The following DESI2 variants were observed in gnomAD, a reference collection of about 807,000 sequenced individuals.
DESI2 encodes the protein deubiquitinase DESI2.
Under a neutral mutation model 24.1 loss-of-function variants are expected in DESI2, and 10 were observed. The ratio of observed to expected loss-of-function variants is 0.41; its 90% CI spans 0.26 to 0.70. DESI2 has a LOEUF of 0.70. Among genes scored for constraint, DESI2 ranks in the 30% least tolerant of loss-of-function variants. The pLI is 0.29. For synonymous variants in DESI2, 71 were observed against 87.7 expected, an observed-to-expected ratio of 0.81 and a Z score of 1.06; for missense variants, 122 against 234.9, an observed-to-expected ratio of 0.52 and a Z score of 3.14.
chr1:244,670,189 G>A (rs776631407), intron 1 of DESI2, among the ~76,000 whole-genome samples: 8 of 152,032 alleles, frequency 5.3e-5, no homozygotes, highest in East Asian at 1.9e-4. Context: ...ACTCCTGACC[G>A]CAAGTGATCC....
At chr1:244,697,025 G>C (rs562284886) in intron 4 of DESI2, among the ~76,000 whole-genome samples, 3 of 152,284 alleles carry the variant, frequency 2.0e-5, no homozygotes, top group Admixed American at 1.3e-4. Context: ...ACTCTATTAG[G>C]AGAGGATCCT....
At chr1:244,696,356 TCA>T (rs1284173134) in intron 4 of DESI2, among the ~76,000 whole-genome samples, 7 of 152,230 alleles carry the variant, frequency 4.6e-5, no homozygotes, top group African/African-American at 1.7e-4. Flanking sequence ...GCACAGTGGC[TCA>T]CGCCTGTAAT....
At chr1:244,694,329 T>TA (rs1463980481) in intron 4 of DESI2, 1 of 502,290 alleles carries the variant, frequency 2.0e-6, no homozygotes, top group Non-Finnish European at 3.8e-6. Flanking sequence ...AAGAGTATTA[T>TA]ATGGTGACAT....
At chr1:244,686,138 CAT>C (rs1297510819) in intron 1 of DESI2, among the ~76,000 whole-genome samples, 1 of 152,100 alleles carries the variant, frequency 6.6e-6, no homozygotes, top group Non-Finnish European at 1.5e-5. Context: ...ACACATGATA[CAT>C]GCCGTAAATG....
intron 4 of DESI2, among the ~76,000 whole-genome samples, chr1:244,701,958 A>G (rs943938578): frequency 6.6e-6 from 1 of 152,156 alleles, no homozygotes; most frequent in African/African-American, 2.4e-5. Flanking sequence ...TTTTACCACT[A>G]TATGTGTACG....
chr1:244,678,025 C>T (rs1395953581), intron 1 of DESI2, among the ~76,000 whole-genome samples: 1 of 152,174 alleles, frequency 6.6e-6, no homozygotes, highest in Non-Finnish European at 1.5e-5. Flanking sequence ...AAATCATTTT[C>T]CTAGCAACTT....
intron 1 of DESI2, among the ~76,000 whole-genome samples, chr1:244,657,390 G>T (rs749714153): frequency 6.6e-6 from 1 of 152,112 alleles, no homozygotes; most frequent in Non-Finnish European, 1.5e-5. Flanking sequence ...TGTCCACAGC[G>T]CACATTCTTC....
At chr1:244,673,559 A>C (rs934391047) in intron 1 of DESI2, among the ~76,000 whole-genome samples, 2 of 152,216 alleles carry the variant, frequency 1.3e-5, no homozygotes, top group Admixed American at 6.5e-5. Context: ...GTAATTTAAG[A>C]AGTAACCTAT....
Position 244,706,871 on chromosome 1 carries a change from A to G in DESI2, c.*1082A>G, listed in dbSNP as rs985079913. 5 of 152,666 alleles carry G rather than the reference A, an allele frequency of 3.3e-5. No homozygotes were observed. The highest frequency in any genetic ancestry group is 9.6e-5 in the African/African-American group (4 of 41,462). 9.5% of individuals were successfully genotyped at this position (152,666 alleles called of 1,614,324 possible). A position where few individuals can be genotyped will look rare whatever the true frequency, so the allele number is the denominator to read the frequency against. ...ATAGAATGCCTAGTCTCATTGACCAATCGTTAAAAAATCATATTTGTGTGT... is the reference window on the plus strand; with the variant it reads ...ATAGAATGCCTAGTCTCATTGACCAGTCGTTAAAAAATCATATTTGTGTGT... On this transcript the variant is annotated 3_prime_UTR_variant, in exon 5 of 5. Coordinates refer to ENST00000302550, the MANE Select transcript of DESI2 (RefSeq NM_016076.5).
chr1:244,671,548 A>C (rs1288326619), intron 1 of DESI2, among the ~76,000 whole-genome samples: 1 of 152,222 alleles, frequency 6.6e-6, no homozygotes, highest in Non-Finnish European at 1.5e-5. Context: ...CAGCTCAAAT[A>C]AAAAGCCAAC....
intron 1 of DESI2, among the ~76,000 whole-genome samples, chr1:244,658,213 C>G (rs773973860): frequency 6.3e-4 from 96 of 152,290 alleles, no homozygotes; most frequent in Non-Finnish European, 1.2e-3. Context: ...GAAACATAAC[C>G]AGGATAAAGT....
chr1:244,660,516 G>T (rs772940499), intron 1 of DESI2, among the ~76,000 whole-genome samples: 8 of 152,076 alleles, frequency 5.3e-5, no homozygotes, highest in Admixed American at 2.0e-4. Flanking sequence ...GTTGACTGTC[G>T]AATTCTCTAC....
intron 4 of DESI2, among the ~76,000 whole-genome samples, chr1:244,696,392 C>T (rs1224461518): frequency 3.3e-5 from 5 of 152,090 alleles, no homozygotes; most frequent in African/African-American, 1.2e-4. Flanking sequence ...GAGGCTGAGG[C>T]GGGTAGGTTG....
At chr1:244,657,962 T>C (rs563063013) in intron 1 of DESI2, among the ~76,000 whole-genome samples, 1 of 152,290 alleles carries the variant, frequency 6.6e-6, no homozygotes, top group African/African-American at 2.4e-5. Flanking sequence ...ACCTTTATGG[T>C]GAGTTGTGGG....
chr1:244,704,395 A>C (rs1677608441), intron 4 of DESI2, among the ~76,000 whole-genome samples: 1 of 152,228 alleles, frequency 6.6e-6, no homozygotes, highest in African/African-American at 2.4e-5. Flanking sequence ...AATAAAGAAT[A>C]AAGTTAGGGG....
Position 244,708,645 on chromosome 1 carries a change from T to TC in DESI2, c.*2858dup, listed in dbSNP as rs1257518850. On this transcript the variant is annotated 3_prime_UTR_variant, in exon 5 of 5. Coordinates refer to ENST00000302550, the MANE Select transcript of DESI2 (RefSeq NM_016076.5). ...TCTAATCTGTGTGTCTCCTTATGAC[T>TC]CCATTTCTGTAAGCTACTCTGTAAC... The TC allele has an allele frequency of 1.0e-4, 16 of 152,654 alleles. No individual in the cohort carries two copies. The highest frequency in any genetic ancestry group is 3.6e-4 in the African/African-American group (15 of 41,464). The allele number at this position is 152,654 out of a possible 1,614,324, so 9.5% of individuals were successfully genotyped here. A position where few individuals can be genotyped will look rare whatever the true frequency, so the allele number is the denominator to read the frequency against.
chr1:244,672,120 G>A (rs538201127), intron 1 of DESI2, among the ~76,000 whole-genome samples: 1 of 152,162 alleles, frequency 6.6e-6, no homozygotes, highest in East Asian at 1.9e-4. Flanking sequence ...GATCTCTTGA[G>A]GCCAGGAGTT....
intron 4 of DESI2, among the ~76,000 whole-genome samples, chr1:244,698,817 C>A (rs1010144058): frequency 1.3e-5 from 2 of 152,180 alleles, no homozygotes; most frequent in Non-Finnish European, 2.9e-5. Flanking sequence ...CCATGGGAAC[C>A]GGCTTCTCTG....
intron 1 of DESI2, among the ~76,000 whole-genome samples, chr1:244,659,432 C>T (rs1675761705): frequency 6.6e-6 from 1 of 152,182 alleles, no homozygotes; most frequent in African/African-American, 2.4e-5. Flanking sequence ...AATCTGCTTC[C>T]AAGCTCATTC....
Sources: gnomAD v4.1 joint callset for allele counts (sites outside exome capture counted in the v4.1 genomes callset) on GRCh38, gnomAD v4.1.1 for gene constraint, MANE v1.5 for transcripts, NCBI Gene and HGNC (gene_info 2026-07-23, HGNC 2026-07-21) for gene names.